NKAIN2: variants seen among roughly 807,000 people sequenced by gnomAD.
NKAIN2 encodes sodium/potassium transporting ATPase interacting 2, also known as sodium/potassium-transporting ATPase subunit beta-1-interacting protein 2.
A neutral mutation model predicts 32.6 loss-of-function variants in NKAIN2; 14 were observed. The ratio of observed to expected loss-of-function variants is 0.43; its 90% CI spans 0.28 to 0.67. The LOEUF (loss-of-function observed/expected upper bound fraction) is 0.67, where lower values mean the gene tolerates loss of function less well. NKAIN2 is among the 30% of genes least tolerant of loss of function. The pLI is 0.17. For synonymous variants in NKAIN2, 80 were observed against 87.2 expected (o/e 0.92, Z 0.46); for missense variants, 198 against 258.3 (o/e 0.77, Z 1.60).
At chr6:124,617,091 A>C (rs1276976583) in intron 3 of NKAIN2, among the ~76,000 whole-genome samples, 1 of 152,178 alleles carries the variant, frequency 6.6e-6, no homozygotes, top group East Asian at 1.9e-4. Flanking sequence ...TGTTTATCTG[A>C]ATATTAGTTT....
At chr6:123,994,380 A>G (rs1779531947) in intron 1 of NKAIN2, among the ~76,000 whole-genome samples, 1 of 152,086 alleles carries the variant, frequency 6.6e-6, no homozygotes, top group African/African-American at 2.4e-5. Flanking sequence ...TTCCCTCTCA[A>G]TTCTGCCTTG....
intron 2 of NKAIN2, among the ~76,000 whole-genome samples, chr6:124,331,623 G>A (rs1006237133): frequency 1.3e-5 from 2 of 151,870 alleles, no homozygotes; most frequent in Non-Finnish European, 2.9e-5. Context: ...AAGTTGTTTG[G>A]CTGAATTTTC....
intron 3 of NKAIN2, among the ~76,000 whole-genome samples, chr6:124,479,258 TTTAA>T (rs981779041): frequency 6.6e-6 from 1 of 152,168 alleles, no homozygotes; most frequent in Non-Finnish European, 1.5e-5. Flanking sequence ...AAATATGCCC[TTTAA>T]TTAATAATCA....
At position 124,283,113 on chromosome 6, in the gene NKAIN2, A is replaced by T; in HGVS notation, c.163A>T (p.Ile55Phe). The change falls in exon 2 of 7, where the codon ATT becomes TTT. Residue 55 changes from isoleucine (I) to phenylalanine (F), a missense_variant. Coordinates refer to ENST00000368417, the MANE Select transcript of NKAIN2 (RefSeq NM_001040214.3). ...CGTCATTCTTGGTTTGTTTGGAACTATTCAATATAGACCTCGTTACATAAC... is the reference window on the plus strand; with the variant it reads ...CGTCATTCTTGGTTTGTTTGGAACTTTTCAATATAGACCTCGTTACATAAC... ...IIVILGLFGT[I>F]QYRPRYITGY... is the part of the protein sequence containing the mutation. The T allele has an allele frequency of 6.2e-7, 1 of 1,610,168 alleles. No homozygotes were observed. The highest frequency in any genetic ancestry group is 1.3e-5 in the African/African-American group (1 of 74,950).
intron 4 of NKAIN2, among the ~76,000 whole-genome samples, chr6:124,724,506 C>T (rs1322904915): frequency 1.3e-5 from 2 of 152,168 alleles, no homozygotes; most frequent in African/African-American, 4.8e-5. Context: ...TTGCTTCTTC[C>T]CTTTGTTCTA....
chr6:124,789,342 A>G (rs1157911097), intron 4 of NKAIN2, among the ~76,000 whole-genome samples: 1 of 152,114 alleles, frequency 6.6e-6, no homozygotes, highest in Non-Finnish European at 1.5e-5. Context: ...AACACTGAAA[A>G]GAAGAGGAAA....
At chr6:124,441,871 G>A (rs1328644670) in intron 3 of NKAIN2, among the ~76,000 whole-genome samples, 1 of 151,988 alleles carries the variant, frequency 6.6e-6, no homozygotes, top group Non-Finnish European at 1.5e-5. Flanking sequence ...TCCTTCAAGG[G>A]ATAGTGCTAT....
intron 3 of NKAIN2, among the ~76,000 whole-genome samples, chr6:124,383,004 C>T (rs1467465362): frequency 6.6e-6 from 1 of 152,084 alleles, no homozygotes; most frequent in Non-Finnish European, 1.5e-5. Context: ...TATTTTCCTC[C>T]TCACTTTTCA....
chr6:124,070,868 A>C (rs2114879709), intron 1 of NKAIN2, among the ~76,000 whole-genome samples: 1 of 152,252 alleles, frequency 6.6e-6, no homozygotes, highest in East Asian at 1.9e-4. Flanking sequence ...ATATCATAAA[A>C]CTACACTAAC....
chr6:124,333,884 A>G (rs1261734702), intron 2 of NKAIN2, among the ~76,000 whole-genome samples: 1 of 152,192 alleles, frequency 6.6e-6, no homozygotes, highest in African/African-American at 2.4e-5. Flanking sequence ...TACTATGACC[A>G]TATTCAGATT....
intron 2 of NKAIN2, among the ~76,000 whole-genome samples, chr6:124,290,612 C>A (rs1326780845): frequency 6.7e-6 from 1 of 150,242 alleles, no homozygotes; most frequent in Non-Finnish European, 1.5e-5. Flanking sequence ...ACGACCTGCC[C>A]CAAATCATTT....
At chr6:123,891,214 A>G (rs1774000048) in intron 1 of NKAIN2, among the ~76,000 whole-genome samples, 1 of 152,156 alleles carries the variant, frequency 6.6e-6, no homozygotes, top group Non-Finnish European at 1.5e-5. Flanking sequence ...GAGTTGTTTA[A>G]TGGGTACAGA....
intron 1 of NKAIN2, among the ~76,000 whole-genome samples, chr6:124,038,743 A>G (rs1781723426): frequency 6.6e-6 from 1 of 152,180 alleles, no homozygotes; most frequent in Non-Finnish European, 1.5e-5. Flanking sequence ...TTTTTGTAAT[A>G]TATAACTTTA....
chr6:124,356,675 G>A (rs2115151472), intron 3 of NKAIN2, among the ~76,000 whole-genome samples: 2 of 152,248 alleles, frequency 1.3e-5, no homozygotes. Flanking sequence ...CTCTAGGAGG[G>A]ACCCAGACCA....
chr6:123,986,765 A>G (rs1381721745), intron 1 of NKAIN2, among the ~76,000 whole-genome samples: 1 of 152,172 alleles, frequency 6.6e-6, no homozygotes, highest in East Asian at 1.9e-4. Flanking sequence ...AACACCTTCA[A>G]TGTATAAGTC....
At chr6:123,840,797 G>C (rs996378799) in intron 1 of NKAIN2, among the ~76,000 whole-genome samples, 1 of 152,036 alleles carries the variant, frequency 6.6e-6, no homozygotes, top group Non-Finnish European at 1.5e-5. Flanking sequence ...GTATTAGAAA[G>C]AACACTTTCA....
intron 4 of NKAIN2, among the ~76,000 whole-genome samples, chr6:124,758,737 G>C (rs1369732371): frequency 6.6e-6 from 1 of 152,048 alleles, no homozygotes; most frequent in Non-Finnish European, 1.5e-5. Flanking sequence ...AACATTCAAT[G>C]GTTCCTCATT....
chr6:124,701,377 G>C (rs1443480348), intron 4 of NKAIN2, among the ~76,000 whole-genome samples: 1 of 151,964 alleles, frequency 6.6e-6, no homozygotes, highest in African/African-American at 2.4e-5. Context: ...TTAAACATCT[G>C]TCCATATGAG....
intron 1 of NKAIN2, among the ~76,000 whole-genome samples, chr6:123,990,708 C>T (rs1779376438): frequency 6.6e-6 from 1 of 152,152 alleles, no homozygotes; most frequent in Admixed American, 6.6e-5. Flanking sequence ...AAACCATAAC[C>T]ACTACTTAGT....
Sources: allele counts gnomAD v4.1 joint callset (sites outside exome capture counted in the v4.1 genomes callset), GRCh38; gene constraint gnomAD v4.1.1; transcripts MANE v1.5; gene names NCBI Gene and HGNC (gene_info 2026-07-23, HGNC 2026-07-21).